SEMA5A: variants seen among roughly 807,000 people sequenced by gnomAD.
SEMA5A encodes the protein semaphorin 5A.
In SEMA5A, 55 loss-of-function variants were observed where a neutral mutation model predicts 135.5. That is an observed-to-expected ratio of 0.41 (90% CI 0.33 to 0.51). The LOEUF is 0.51. SEMA5A is among the 20% of genes least tolerant of loss of function. SEMA5A has a pLI of 0.37. For missense variants in SEMA5A, 1,290 were observed against 1,419.9 expected (o/e 0.91, Z 1.47); for synonymous variants, 580 against 546.5 (o/e 1.06, Z -0.85).
At chr5:9,200,009 G>C (rs1201573496) in intron 9 of SEMA5A, among the ~76,000 whole-genome samples, 3 of 152,140 alleles carry the variant, frequency 2.0e-5, no homozygotes, top group African/African-American at 7.2e-5. Context: ...CCCAGTATCG[G>C]ACAGCTTTCT....
Position 9,202,006 on chromosome 5 carries a change from G to A in SEMA5A, c.881C>T (p.Thr294Ile), listed in dbSNP as rs1745734874. The A allele has an allele frequency of 1.2e-6, 2 of 1,614,184 alleles. No individual in the cohort carries two copies. Among genetic ancestry groups the A allele is most frequent in the East Asian group, 2.2e-5 (1 of 44,874 alleles). The change falls in exon 9 of 23, where the codon ACT (threonine) becomes ATT (isoleucine). Residue 294 changes from threonine to isoleucine, a missense_variant. Around this residue, in one of 3 missense-constraint regions of SEMA5A, gnomAD observed 1,029 missense variants for 1,086.6 expected, o/e 0.95. Transcript: ENST00000382496. ...VPFYYNELQSTFFLPELDLIY... is the reference protein window; with the variant it reads ...VPFYYNELQSIFFLPELDLIY... ...CAAATCCAGCTCAGGCAGGAAGAAA[G>A]TACTCTGCAATTCGTTGTAGTAAAA...
chr5:9,292,472 C>A lies in SEMA5A; in HGVS notation c.270+25900G>T, dbSNP rs1409378557. On this transcript the variant is annotated intron_variant, in intron 5 of 22. Transcript: ENST00000382496. Reference sequence around the variant, plus strand: ...GGCAGTGGCTACTCAGATCATATATCCCCAAACCCTCTTCATTACTGTCTT... The same window carrying A: ...GGCAGTGGCTACTCAGATCATATATACCCAAACCCTCTTCATTACTGTCTT... 4.6e-5 allele frequency among the ~76,000 whole-genome samples: 7 copies of A among 152,164 alleles called. No homozygotes were observed. The South Asian group carries it at 1.5e-3, about 32-fold the overall frequency.
At chr5:9,405,744 T>C (rs1756858473) in intron 2 of SEMA5A, among the ~76,000 whole-genome samples, 1 of 152,210 alleles carries the variant, frequency 6.6e-6, no homozygotes, top group Non-Finnish European at 1.5e-5. Flanking sequence ...TCCATGCCCT[T>C]TTAAATGGAG....
At chr5:9,222,758 T>C (rs972722394) in intron 8 of SEMA5A, among the ~76,000 whole-genome samples, 7 of 152,192 alleles carry the variant, frequency 4.6e-5, no homozygotes, top group African/African-American at 1.7e-4. Context: ...AACACATGAC[T>C]CTCCAATGGA....
chr5:9,421,291 G>C (rs934827282), intron 2 of SEMA5A, among the ~76,000 whole-genome samples: 3 of 152,056 alleles, frequency 2.0e-5, no homozygotes, highest in Admixed American at 6.6e-5. Flanking sequence ...AGTTAACCAG[G>C]TATGATTAAA....
intron 18 of SEMA5A, among the ~76,000 whole-genome samples, chr5:9,061,604 G>A (rs1214429192): frequency 6.6e-6 from 1 of 152,188 alleles, no homozygotes; most frequent in African/African-American, 2.4e-5. Flanking sequence ...AGCTGCGGCA[G>A]GAGAAAGGCA....
At chr5:9,457,282 G>A (rs150877080) in intron 1 of SEMA5A, among the ~76,000 whole-genome samples, 115 of 152,266 alleles carry the variant, frequency 7.6e-4, no homozygotes, top group African/African-American at 2.2e-3. Flanking sequence ...AGTAGAAATC[G>A]CACCATGATC....
chr5:9,082,508 A>G (rs561086328), intron 16 of SEMA5A, among the ~76,000 whole-genome samples: 77 of 152,170 alleles, frequency 5.1e-4, no homozygotes, highest in South Asian at 2.5e-3. Flanking sequence ...GCTCACTCCC[A>G]AGTTCATTGT....
intron 16 of SEMA5A, among the ~76,000 whole-genome samples, chr5:9,086,273 AG>A (rs1290813908): frequency 6.6e-6 from 1 of 152,062 alleles, no homozygotes; most frequent in East Asian, 1.9e-4. Flanking sequence ...GGGAGGGACC[AG>A]GGGCAGAGTG....
At chr5:9,043,083 A>T in intron 22 of SEMA5A, 67 bp from the exon 23 acceptor site, 1 of 1,364,496 alleles carries the variant, frequency 7.3e-7, no homozygotes, top group Non-Finnish European at 1.0e-6. Flanking sequence ...TAATATAACA[A>T]GGATGACTAT....
chr5:9,352,299 TTTTTA>T (rs1223634392), intron 3 of SEMA5A, among the ~76,000 whole-genome samples: 7 of 152,200 alleles, frequency 4.6e-5, no homozygotes, highest in Admixed American at 1.3e-4. Flanking sequence ...CTGATATATC[TTTTTA>T]TTTTATTTTA....
At chr5:9,273,641 C>T (rs1056527104) in intron 5 of SEMA5A, among the ~76,000 whole-genome samples, 3 of 152,094 alleles carry the variant, frequency 2.0e-5, no homozygotes, top group East Asian at 1.9e-4. Context: ...CAGCAGATCT[C>T]GCAGCAGAAA....
intron 17 of SEMA5A, 132 bp downstream of exon 17, chr5:9,066,289 A>T: frequency 2.5e-6 from 2 of 804,288 alleles, no homozygotes; most frequent in Admixed American, 3.8e-5. Context: ...CTCTACAGGG[A>T]TCATTGTTTT....
At chr5:9,329,487 A>G (rs1300570796) in intron 4 of SEMA5A, among the ~76,000 whole-genome samples, 2 of 152,226 alleles carry the variant, frequency 1.3e-5, no homozygotes, top group African/African-American at 4.8e-5. Flanking sequence ...AAGATGCTTC[A>G]TCTTTGTTTC....
chr5:9,288,289 G>A (rs768232341), intron 5 of SEMA5A, among the ~76,000 whole-genome samples: 1 of 152,168 alleles, frequency 6.6e-6, no homozygotes, highest in African/African-American at 2.4e-5. Flanking sequence ...GAATGCTGGG[G>A]GATAAAGGGT....
intron 13 of SEMA5A, among the ~76,000 whole-genome samples, chr5:9,132,340 T>G (rs1395441915): frequency 6.6e-6 from 1 of 152,138 alleles, no homozygotes; most frequent in Admixed American, 6.5e-5. Context: ...TGTGATACTA[T>G]TAAGAAGTGG....
chr5:9,050,231 G>A (rs759895643), intron 21 of SEMA5A, among the ~76,000 whole-genome samples, 179 bp downstream of exon 21: 5 of 152,098 alleles, frequency 3.3e-5, no homozygotes, highest in African/African-American at 4.8e-5. Context: ...ACCACCGATC[G>A]GTACATCAAA....
intron 1 of SEMA5A, among the ~76,000 whole-genome samples, chr5:9,500,058 T>C (rs1243245842): frequency 1.3e-5 from 2 of 152,252 alleles, no homozygotes; most frequent in African/African-American, 4.8e-5. Flanking sequence ...TTTTAATATC[T>C]TCTATATCAC....
chr5:9,154,934 G>T (rs1387030350), intron 11 of SEMA5A, among the ~76,000 whole-genome samples: 3 of 152,102 alleles, frequency 2.0e-5, no homozygotes, highest in African/African-American at 4.8e-5. Context: ...AAGGGATGAG[G>T]ACTAATCATG....
Sources: gnomAD v4.1 joint callset for allele counts (sites outside exome capture counted in the v4.1 genomes callset) on GRCh38, gnomAD v4.1.1 for gene constraint, gnomAD v4.1.1 regional missense constraint, MANE v1.5 for transcripts, NCBI Gene and HGNC (gene_info 2026-07-23, HGNC 2026-07-21) for gene names.